Variants in BABAM2 observed in about 807,000 individuals in gnomAD.
BABAM2 encodes the protein BRISC and BRCA1-A complex member 2.
In BABAM2, 31 loss-of-function variants were observed where a neutral mutation model predicts 54.7. That is an observed-to-expected ratio of 0.57 (90% confidence interval 0.43 to 0.77). The LOEUF is 0.77. BABAM2 is among the 30% of genes least tolerant of loss of function. BABAM2 has a pLI of 0.00. For missense variants in BABAM2, 364 were observed against 455.8 expected (o/e 0.80, Z 1.83); for synonymous variants, 167 against 162.9 (o/e 1.03, Z -0.19).
At chr2:28,105,586 C>G (rs1051653412) in intron 6 of BABAM2, among the ~76,000 whole-genome samples, 1 of 152,130 alleles carries the variant, frequency 6.6e-6, no homozygotes, top group Non-Finnish European at 1.5e-5. Flanking sequence ...GAGAAAAGTT[C>G]AAATCTTCAA....
At chr2:27,965,619 T>C (rs1670779279) in intron 3 of BABAM2, among the ~76,000 whole-genome samples, 1 of 152,198 alleles carries the variant, frequency 6.6e-6, no homozygotes, top group African/African-American at 2.4e-5. Flanking sequence ...AAATCTTTTA[T>C]TACTAGTCAT....
intron 3 of BABAM2, among the ~76,000 whole-genome samples, chr2:27,937,203 A>G (rs1338664653): frequency 6.6e-6 from 1 of 152,184 alleles, no homozygotes; most frequent in Admixed American, 6.5e-5. Context: ...GCCTAATACA[A>G]TGTAAATTCT....
chr2:28,236,812 T>C (rs1156505910), intron 7 of BABAM2, among the ~76,000 whole-genome samples: 1 of 152,242 alleles, frequency 6.6e-6, no homozygotes, highest in African/African-American at 2.4e-5. Flanking sequence ...ACTAGAGTGT[T>C]GCAGCAATTC....
intron 11 of BABAM2, among the ~76,000 whole-genome samples, chr2:28,300,401 A>G (rs1308753737): frequency 1.3e-5 from 2 of 152,354 alleles, no homozygotes; most frequent in East Asian, 3.9e-4. Context: ...CCCATTCAGG[A>G]CAAAAACAAG....
chr2:28,182,945 A>C (rs186483986), intron 7 of BABAM2, among the ~76,000 whole-genome samples: 6 of 152,238 alleles, frequency 3.9e-5, no homozygotes, highest in African/African-American at 1.4e-4. Flanking sequence ...ATCTAGTCCA[A>C]CCCTTCCACT....
At chr2:27,942,947 G>A (rs1669034149) in intron 3 of BABAM2, among the ~76,000 whole-genome samples, 2 of 152,008 alleles carry the variant, frequency 1.3e-5, no homozygotes, top group South Asian at 2.1e-4. Flanking sequence ...GGGACTATAG[G>A]TGTGCATCAC....
At chr2:28,248,207 C>CTTTT (rs780563394) in intron 10 of BABAM2, among the ~76,000 whole-genome samples, 1 of 54,304 alleles carries the variant, frequency 1.8e-5, no homozygotes, top group African/African-American at 6.7e-5. Flanking sequence ...TTTTCTTTTT[C>CTTTT]TTTTTTTTTT....
intron 7 of BABAM2, among the ~76,000 whole-genome samples, chr2:28,167,270 A>G (rs1007652827): frequency 5.3e-5 from 8 of 152,264 alleles, no homozygotes; most frequent in African/African-American, 1.9e-4. Flanking sequence ...CTTGGTGACC[A>G]ATGAATAGTG....
intron 7 of BABAM2, among the ~76,000 whole-genome samples, chr2:28,186,433 G>T (rs1676285767): frequency 6.6e-6 from 1 of 151,998 alleles, no homozygotes; most frequent in African/African-American, 2.4e-5. Context: ...ACTTTAGAGG[G>T]TATCACCCAC....
chr2:28,220,465 T>A (rs1335863330), intron 7 of BABAM2, among the ~76,000 whole-genome samples: 1 of 152,192 alleles, frequency 6.6e-6, no homozygotes, highest in African/African-American at 2.4e-5. Context: ...TCCATAGTCT[T>A]TGGGAATTAA....
intron 7 of BABAM2, among the ~76,000 whole-genome samples, chr2:28,218,915 A>T (rs574641750): frequency 6.6e-6 from 1 of 152,322 alleles, no homozygotes; most frequent in African/African-American, 2.4e-5. Context: ...AATGGGACAC[A>T]CACCATTACT....
intron 3 of BABAM2, among the ~76,000 whole-genome samples, chr2:27,970,472 A>C (rs1366128223): frequency 6.6e-6 from 1 of 152,236 alleles, no homozygotes; most frequent in Non-Finnish European, 1.5e-5. Flanking sequence ...GTATGCTGAT[A>C]TAGATATATA....
chr2:28,120,869 A>C (rs567731924), intron 6 of BABAM2, among the ~76,000 whole-genome samples: 11 of 152,222 alleles, frequency 7.2e-5, no homozygotes, highest in African/African-American at 2.7e-4. Context: ...ACTTAAAGCC[A>C]CACCAATTAA....
chr2:28,149,627 C>G (rs919095259), intron 7 of BABAM2, among the ~76,000 whole-genome samples: 1 of 152,154 alleles, frequency 6.6e-6, no homozygotes, highest in Non-Finnish European at 1.5e-5. Context: ...GGTTTTCCTG[C>G]GCTCTTTCCA....
chr2:28,232,296 G>A (rs891295564), intron 7 of BABAM2, among the ~76,000 whole-genome samples: 3 of 152,188 alleles, frequency 2.0e-5, no homozygotes, highest in African/African-American at 7.2e-5. Flanking sequence ...AGGAAGGGGA[G>A]TTGCTGTTTC....
At chr2:28,205,734 T>G (rs1463342848) in intron 7 of BABAM2, among the ~76,000 whole-genome samples, 1 of 152,180 alleles carries the variant, frequency 6.6e-6, no homozygotes, top group African/African-American at 2.4e-5. Flanking sequence ...TAAGTAACTT[T>G]GCTTGTTTTA....
At chr2:28,100,986 A>G (rs1187275791) in intron 6 of BABAM2, among the ~76,000 whole-genome samples, 1 of 152,212 alleles carries the variant, frequency 6.6e-6, no homozygotes, top group African/African-American at 2.4e-5. Flanking sequence ...TATCATTTCC[A>G]GGGAAGCAGG....
intron 11 of BABAM2, among the ~76,000 whole-genome samples, chr2:28,317,768 A>G (rs1689686260): frequency 6.6e-6 from 1 of 152,150 alleles, no homozygotes; most frequent in African/African-American, 2.4e-5. Flanking sequence ...TTTTCTTCTC[A>G]TATTGTTCAC....
chr2:28,265,492 T>C (rs1449431133), intron 10 of BABAM2, among the ~76,000 whole-genome samples: 1 of 151,986 alleles, frequency 6.6e-6, no homozygotes, highest in African/African-American at 2.4e-5. Context: ...GGCCTAAGGG[T>C]CAGAAAACTG....
Sources: allele counts gnomAD v4.1 joint callset (sites outside exome capture counted in the v4.1 genomes callset), GRCh38; gene constraint gnomAD v4.1.1; transcripts MANE v1.5; gene names NCBI Gene and HGNC (gene_info 2026-07-23, HGNC 2026-07-21).